The following ZNF254 variants were observed in gnomAD, a reference collection of about 807,000 sequenced individuals.
The protein encoded by ZNF254 is zinc finger protein 254.
ZNF254 carries 10 observed loss-of-function variants against 12.4 expected under a neutral mutation model. That is an observed-to-expected ratio of 0.80 (90% CI 0.50 to 1.36). The LOEUF is 1.36. Ranked by LOEUF, ZNF254 falls within the 40% of genes most tolerant of loss-of-function variation. The pLI is 0.00. For synonymous variants in ZNF254, 305 were observed against 253.4 expected, an observed-to-expected ratio of 1.20 and a Z score of -1.93; for missense variants, 996 against 763.9, an observed-to-expected ratio of 1.30 and a Z score of -3.58.
intron 3 of ZNF254, among the ~76,000 whole-genome samples, chr19:24,114,088 A>C (rs1353962598): frequency 1.3e-5 from 2 of 151,772 alleles, no homozygotes; most frequent in African/African-American, 4.8e-5. Context: ...ATATCATGAA[A>C]ATGGCCATAC....
chr19:24,076,442 C>G (rs1971662820), intron 2 of ZNF254, among the ~76,000 whole-genome samples: 2 of 152,038 alleles, frequency 1.3e-5, no homozygotes, highest in African/African-American at 2.4e-5. Context: ...CTGCACCCAG[C>G]TTACAGGAAG....
At chr19:24,085,310 T>A (rs1447275552), upstream of ZNF254, among the ~76,000 whole-genome samples, 5 of 149,028 alleles carry the variant, frequency 3.4e-5, no homozygotes, top group African/African-American at 1.2e-4. Flanking sequence ...AATAAACGTC[T>A]TTTATTAAAA....
chr19:24,067,118 C>A (rs527546590), intron 2 of ZNF254, among the ~76,000 whole-genome samples: 1 of 151,614 alleles, frequency 6.6e-6, no homozygotes, highest in African/African-American at 2.4e-5. Flanking sequence ...TATTTTTTTT[C>A]TTGGACCTGC....
chr19:24,120,304 G>T (rs1475646276), intron 3 of ZNF254, among the ~76,000 whole-genome samples: 1 of 152,046 alleles, frequency 6.6e-6, no homozygotes, highest in Non-Finnish European at 1.5e-5. Flanking sequence ...CTTGGGTTGG[G>T]ACATGGCCAA....
intron 2 of ZNF254, among the ~76,000 whole-genome samples, chr19:24,051,112 C>T (rs1305563844): frequency 6.6e-6 from 1 of 152,170 alleles, no homozygotes; most frequent in Non-Finnish European, 1.5e-5. Context: ...TGAGCCCTAT[C>T]TGTGAGGGGC....
At chr19:24,117,193 C>T (rs1248338733) in intron 3 of ZNF254, among the ~76,000 whole-genome samples, 2 of 152,138 alleles carry the variant, frequency 1.3e-5, no homozygotes, top group East Asian at 3.9e-4. Context: ...AGATCTCCAG[C>T]TGTGTGTTGG....
At position 24,128,005 on chromosome 19, in the gene ZNF254, C is replaced by T; in HGVS notation, c.*25C>T. 1 of 1,514,566 alleles carries T rather than the reference C, an allele frequency of 6.6e-7. No individual in the cohort carries two copies. The highest frequency in any genetic ancestry group is 8.8e-7 in the Non-Finnish European group (1 of 1,138,174). The allele number at this position is 1,514,566 out of a possible 1,614,324, so 93.8% of individuals were successfully genotyped here. On this transcript the variant is annotated 3_prime_UTR_variant, in exon 4 of 4. Transcript: ENST00000357002. ...AATAATGTGCCAAAGCCTAAGAAAA[C>T]CCTCAATTCTTAATAGATATAAGAT...
chr19:24,089,000 G>T (rs1972203575), intron 1 of ZNF254, among the ~76,000 whole-genome samples: 1 of 110,686 alleles, frequency 9.0e-6, no homozygotes, highest in Non-Finnish European at 1.7e-5. Context: ...TTTTGAGACA[G>T]AGTTTCACTC....
upstream of ZNF254, among the ~76,000 whole-genome samples, chr19:24,086,796 G>T (rs1197635430): frequency 3.3e-5 from 5 of 152,062 alleles, no homozygotes; most frequent in African/African-American, 1.2e-4. Flanking sequence ...ACTTATAACG[G>T]TTTATCAAAT....
chr19:24,054,971 G>A (rs528891560), intron 2 of ZNF254, among the ~76,000 whole-genome samples: 108 of 151,916 alleles, frequency 7.1e-4, no homozygotes, highest in Non-Finnish European at 1.4e-3. Flanking sequence ...TTGGGAGGCC[G>A]AGGTGGGTGA....
At chr19:24,114,175 T>C (rs548362195) in intron 3 of ZNF254, among the ~76,000 whole-genome samples, 2 of 152,250 alleles carry the variant, frequency 1.3e-5, no homozygotes, top group African/African-American at 4.8e-5. Context: ...TGGAAAAAAC[T>C]ACTTTAAAGT....
In ZNF254 at chr19:24,127,019, A is replaced by T. The variant is rs1442945294; in HGVS notation, c.1019A>T (p.His340Leu). 2 of 1,613,890 alleles carry T rather than the reference A, an allele frequency of 1.2e-6. No homozygotes were observed. The highest frequency in any genetic ancestry group is 1.3e-5 in the African/African-American group (1 of 75,026). Residue 340 changes from histidine (H) to leucine (L), a missense_variant, in exon 4 of 4, where the codon CAT (histidine) becomes CTT (leucine). By Grantham distance (99) the His-to-Leu change is moderately conservative. Transcript: ENST00000357002. ...AFIWSSTLTR[H>L]KRMHTGEKPY... The stretch of plus-strand genomic sequence containing the variant: ...ATATGGTCCTCAACACTAACTAGAC[A>T]TAAGAGGATGCACACTGGAGAGAAA...
At chr19:24,059,101 T>C (rs1175145205) in intron 2 of ZNF254, among the ~76,000 whole-genome samples, 1 of 152,274 alleles carries the variant, frequency 6.6e-6, no homozygotes, top group African/African-American at 2.4e-5. Flanking sequence ...GCCTTGGGCC[T>C]GCCCTCAGAA....
In ZNF254 at chr19:24,126,927, T is replaced by C; in HGVS notation, c.927T>C (p.Leu309=). Residue 309 remains leucine, a synonymous_variant, in exon 4 of 4, where the codon CTT becomes CTC. Transcript: ENST00000357002. ...AAGCATTTATCTGGTCCTCAACCCT[T>C]ACTGAGCATAAGAAAATTCATACTA... ...CGKAFIWSST[L]TEHKKIHTRK... is the part of the protein sequence containing the mutation. 6.2e-7 allele frequency: 1 copy of C among 1,613,218 alleles called. No homozygotes were observed. Among genetic ancestry groups the C allele is most frequent in the Non-Finnish European group, 8.5e-7 (1 of 1,179,674 alleles).
intron 3 of ZNF254, among the ~76,000 whole-genome samples, chr19:24,121,031 G>C (rs767155764): frequency 6.6e-6 from 1 of 151,168 alleles, no homozygotes; most frequent in Non-Finnish European, 1.5e-5. Context: ...GAGCCACAGT[G>C]CCTGGCCATC....
At chr19:24,045,161 A>G (rs1970330896) in intron 1 of ZNF254, among the ~76,000 whole-genome samples, 1 of 152,202 alleles carries the variant, frequency 6.6e-6, no homozygotes, top group Admixed American at 6.5e-5. Context: ...ACACTTACTG[A>G]TAAGATACTG....
At chr19:24,124,755 A>C (rs1188747571) in intron 3 of ZNF254, among the ~76,000 whole-genome samples, 1 of 150,370 alleles carries the variant, frequency 6.7e-6, no homozygotes, top group African/African-American at 2.4e-5. Context: ...TAAATGGCAC[A>C]TCACTTTTTT....
intron 2 of ZNF254, among the ~76,000 whole-genome samples, chr19:24,048,720 C>T (rs142362523): frequency 9.9e-5 from 15 of 151,828 alleles, no homozygotes; most frequent in South Asian, 4.2e-4. Flanking sequence ...CTCTCTCTCT[C>T]ATGCTCCTTC....
rs1460339470 is a variant in ZNF254 at position 24,105,949 on chromosome 19, A to G, written c.40A>G (p.Thr14Ala). The change falls in exon 2 of 4, where the codon ACA becomes GCA. Residue 14 changes from threonine to alanine, a missense_variant. Thr to Ala is a moderately conservative substitution (Grantham distance 58, BLOSUM62 0). Coordinates refer to ENST00000357002, the MANE Select transcript of ZNF254 (RefSeq NM_203282.4). ...PPRSLEMGLLTFRDVAIEFSL... is the reference protein window; with the variant it reads ...PPRSLEMGLLAFRDVAIEFSL... ...TGTGTGTGTTTTCCAGGGACTGTTG[A>G]CATTTAGGGATGTGGCCATAGAATT... is the stretch of plus-strand genomic sequence containing the variant. The G allele has an allele frequency of 6.3e-7, 1 of 1,594,436 alleles. No individual in the cohort carries two copies. Among genetic ancestry groups the G allele is most frequent in the Non-Finnish European group, 8.6e-7 (1 of 1,168,068 alleles).
Sources: gnomAD v4.1 joint callset for allele counts (sites outside exome capture counted in the v4.1 genomes callset) on GRCh38, gnomAD v4.1.1 for gene constraint, MANE v1.5 for transcripts, NCBI Gene and HGNC (gene_info 2026-07-23, HGNC 2026-07-21) for gene names.